Variants in PELI2 observed in about 807,000 individuals in gnomAD.
PELI2 encodes E3 ubiquitin-protein ligase pellino homolog 2.
PELI2 carries 23 observed loss-of-function variants against 42.3 expected under a neutral mutation model. That is an observed-to-expected ratio of 0.54 (90% CI 0.39 to 0.77). PELI2 has a LOEUF of 0.77. PELI2 is among the 30% of genes least tolerant of loss of function. PELI2 has a pLI of 0.00. For synonymous variants in PELI2, 245 were observed against 212.2 expected, an observed-to-expected ratio of 1.15 and a Z score of -1.34; for missense variants, 463 against 553.2, an observed-to-expected ratio of 0.84 and a Z score of 1.64.
intron 2 of PELI2, among the ~76,000 whole-genome samples, chr14:56,248,024 T>C (rs1227595413): frequency 2.6e-5 from 4 of 152,242 alleles, no homozygotes; most frequent in Admixed American, 2.6e-4. Flanking sequence ...GCTATTTTGA[T>C]TTTGTTAGGC....
At chr14:56,203,108 T>C (rs753109) in intron 2 of PELI2, among the ~76,000 whole-genome samples, 136,499 of 152,264 alleles carry the variant, frequency 0.9, 61,440 homozygotes, top group Middle Eastern at 0.96. Flanking sequence ...ATTGTGATTA[T>C]GTAGAAAATT....
intron 1 of PELI2, among the ~76,000 whole-genome samples, chr14:56,122,960 C>G (rs1463240450): frequency 6.6e-6 from 1 of 152,250 alleles, no homozygotes; most frequent in Middle Eastern, 3.4e-3. Flanking sequence ...TACATGTCAT[C>G]AAACTGCCAA....
intron 2 of PELI2, among the ~76,000 whole-genome samples, chr14:56,205,543 G>GACAAAA (rs1886488135): frequency 6.6e-6 from 1 of 152,106 alleles, no homozygotes; most frequent in Admixed American, 6.5e-5. Context: ...TAAGGTTGTC[G>GACAAAA]GGGCGTGGGG....
intron 1 of PELI2, among the ~76,000 whole-genome samples, chr14:56,146,921 C>T (rs1288656416): frequency 6.6e-6 from 1 of 152,116 alleles, no homozygotes; most frequent in African/African-American, 2.4e-5. Flanking sequence ...ACTTTCATCA[C>T]CATACATTGT....
At chr14:56,165,705 T>C (rs1164857198) in intron 1 of PELI2, among the ~76,000 whole-genome samples, 4 of 152,162 alleles carry the variant, frequency 2.6e-5, no homozygotes, top group African/African-American at 7.2e-5. Flanking sequence ...GTTATTATTG[T>C]ATTGGGGCTT....
intron 1 of PELI2, among the ~76,000 whole-genome samples, chr14:56,162,502 C>T (rs1168157251): frequency 6.6e-6 from 1 of 152,162 alleles, no homozygotes; most frequent in Non-Finnish European, 1.5e-5. Flanking sequence ...TTTCTCTATC[C>T]ATTCATCTGT....
At chr14:56,125,425 G>GAA (rs571801035) in intron 1 of PELI2, among the ~76,000 whole-genome samples, 1 of 146,668 alleles carries the variant, frequency 6.8e-6, no homozygotes, top group Non-Finnish European at 1.5e-5. Context: ...CAGGGGGGGG[G>GAA]TGAATTGGCA....
At chr14:56,164,960 T>C (rs1884897494) in intron 1 of PELI2, among the ~76,000 whole-genome samples, 1 of 131,344 alleles carries the variant, frequency 7.6e-6, no homozygotes, top group South Asian at 2.8e-4. Flanking sequence ...GTTTGTCAAT[T>C]TTGTTGGTTT....
chr14:56,165,628 A>T (rs185987561), intron 1 of PELI2, among the ~76,000 whole-genome samples: 1 of 152,066 alleles, frequency 6.6e-6, no homozygotes, highest in Non-Finnish European at 1.5e-5. Context: ...ATGAAGTGCA[A>T]TGTTTCTTTG....
intron 4 of PELI2, among the ~76,000 whole-genome samples, chr14:56,289,273 G>A (rs1195594313): frequency 6.6e-6 from 1 of 152,146 alleles, no homozygotes; most frequent in African/African-American, 2.4e-5. Context: ...TGGTTCAGTG[G>A]TTCTGTGACA....
chr14:56,278,733 G>A (rs946859890), intron 2 of PELI2, among the ~76,000 whole-genome samples: 4 of 152,124 alleles, frequency 2.6e-5, no homozygotes, highest in African/African-American at 9.7e-5. Context: ...CATGCTGTGT[G>A]TGTCCAGTTT....
At chr14:56,168,288 C>G (rs1274332643) in intron 1 of PELI2, among the ~76,000 whole-genome samples, 1 of 152,158 alleles carries the variant, frequency 6.6e-6, no homozygotes, top group Non-Finnish European at 1.5e-5. Context: ...CTGGGTGGGT[C>G]CAAAAGTGCT....
chr14:56,215,592 T>C (rs544585639), intron 2 of PELI2, among the ~76,000 whole-genome samples: 1 of 152,378 alleles, frequency 6.6e-6, no homozygotes, highest in African/African-American at 2.4e-5. Flanking sequence ...TGGAAATTCA[T>C]ATTTGGTGTT....
At position 56,178,315 on chromosome 14, in the gene PELI2, T is replaced by A. The variant is rs1450959577; in HGVS notation, c.78-20T>A. On this transcript the variant is annotated intron_variant, in intron 1 of 5. Transcript: ENST00000267460. ...TTGAAAAATCTGCAGATAGATGAAC[T>A]CTTTCCTCTCTGTTTCTAGGTACAA... 1 of 1,611,338 alleles carries A rather than the reference T, an allele frequency of 6.2e-7. No individual in the cohort carries two copies. Among genetic ancestry groups the A allele is most frequent in the Non-Finnish European group, 8.5e-7 (1 of 1,177,740 alleles).
intron 2 of PELI2, among the ~76,000 whole-genome samples, chr14:56,257,052 A>G (rs1392646031): frequency 6.6e-6 from 1 of 152,192 alleles, no homozygotes; most frequent in Non-Finnish European, 1.5e-5. Context: ...TTGCCTGCTC[A>G]TATATAAGGC....
At chr14:56,248,290 T>C (rs543726763) in intron 2 of PELI2, among the ~76,000 whole-genome samples, 41 of 152,294 alleles carry the variant, frequency 2.7e-4, no homozygotes, top group Non-Finnish European at 1.0e-4. Flanking sequence ...ATGAGAACAT[T>C]AAGTTTCGCG....
intron 1 of PELI2, among the ~76,000 whole-genome samples, chr14:56,141,901 T>C (rs1374318086): frequency 6.6e-6 from 1 of 152,246 alleles, no homozygotes; most frequent in Non-Finnish European, 1.5e-5. Context: ...CAAGGAAAAT[T>C]CCTTGTAGCG....
At chr14:56,286,425 G>A (rs547942081) in intron 3 of PELI2, among the ~76,000 whole-genome samples, 55 of 152,114 alleles carry the variant, frequency 3.6e-4, no homozygotes, top group Non-Finnish European at 7.2e-4. Context: ...ACCTGTCCTG[G>A]CTTCAGCTGA....
chr14:56,256,322 G>A (rs138855960), intron 2 of PELI2, among the ~76,000 whole-genome samples: 1 of 152,052 alleles, frequency 6.6e-6, no homozygotes, highest in Non-Finnish European at 1.5e-5. Context: ...TGTAGTCCCA[G>A]CTACTCTGGA....
Sources: gnomAD v4.1 joint callset for allele counts (sites outside exome capture counted in the v4.1 genomes callset) on GRCh38, gnomAD v4.1.1 for gene constraint, MANE v1.5 for transcripts, NCBI Gene and HGNC (gene_info 2026-07-23, HGNC 2026-07-21) for gene names.